Variants in IGF1R observed in about 807,000 individuals in gnomAD.
The protein encoded by IGF1R is insulin-like growth factor 1 receptor.
A neutral mutation model predicts 144.6 loss-of-function variants in IGF1R; 44 were observed. The ratio of observed to expected loss-of-function variants is 0.30; its 90% CI spans 0.24 to 0.39. The LOEUF (loss-of-function observed/expected upper bound fraction) is 0.39, where lower values mean the gene tolerates loss of function less well. Among genes scored for constraint, IGF1R ranks in the 10% least tolerant of loss-of-function variants. IGF1R has a pLI of 1.00. For synonymous variants in IGF1R, 795 were observed against 722.8 expected (o/e 1.10, Z -1.60); for missense variants, 1,355 against 1,833.7 (o/e 0.74, Z 4.77).
At chr15:98,784,403 G>T (rs1031864155) in intron 2 of IGF1R, 2 of 153,840 alleles carry the variant, frequency 1.3e-5, no homozygotes, top group Admixed American at 1.3e-4. Context: ...CTGCTAGAAA[G>T]AATTTCTGCT....
intron 19 of IGF1R, among the ~76,000 whole-genome samples, chr15:98,944,806 C>G (rs2016490713): frequency 6.6e-6 from 1 of 152,364 alleles, no homozygotes; most frequent in East Asian, 1.9e-4. Flanking sequence ...TGTTCACTGC[C>G]TCACAAAGGC....
chr15:98,906,807 C>T (rs1420195417), intron 5 of IGF1R, among the ~76,000 whole-genome samples: 1 of 152,216 alleles, frequency 6.6e-6, no homozygotes, highest in Admixed American at 6.5e-5. Context: ...CTAATGTGTC[C>T]AGAGGCCTGA....
chr15:98,868,402 G>A (rs1416489181), intron 2 of IGF1R, among the ~76,000 whole-genome samples: 1 of 138,238 alleles, frequency 7.2e-6, no homozygotes, highest in African/African-American at 2.6e-5. Flanking sequence ...GGCCCTGACA[G>A]ATCTTTAAGG....
intron 1 of IGF1R, among the ~76,000 whole-genome samples, chr15:98,700,065 A>G (rs532243427): frequency 1.3e-5 from 2 of 152,212 alleles, no homozygotes; most frequent in African/African-American, 4.8e-5. Flanking sequence ...AGAAAATTCT[A>G]CTGTAATAAA....
intron 2 of IGF1R, among the ~76,000 whole-genome samples, chr15:98,783,810 T>G (rs183056591): frequency 6.6e-6 from 1 of 152,306 alleles, no homozygotes; most frequent in Non-Finnish European, 1.5e-5. Flanking sequence ...AGAATACCGA[T>G]GCTGTTGCTA....
intron 10 of IGF1R, among the ~76,000 whole-genome samples, chr15:98,919,122 A>C (rs536478237): frequency 6.6e-6 from 1 of 152,206 alleles, no homozygotes; most frequent in Admixed American, 6.5e-5. Flanking sequence ...CTGGAACTCA[A>C]TGAGGTTTGG....
At position 98,905,681 on chromosome 15, in the gene IGF1R, A is replaced by AC. The variant is rs2014699004; in HGVS notation, c.1248-3004_1248-3003insC. On this transcript the variant is annotated intron_variant, in intron 5 of 20. Coordinates refer to ENST00000650285, the MANE Select transcript of IGF1R (RefSeq NM_000875.5). ...CCTGTCTCAAGGGGAAAAAAAAAAA[A>AC]AAACCTAATTTTTAAAAGCATTCTT... 2.6e-5 allele frequency among the ~76,000 whole-genome samples: 4 copies of AC among 152,246 alleles called. No homozygotes were observed. The East Asian group carries it at 7.7e-4, about 29-fold the overall frequency.
rs1255529573 is a variant in IGF1R at position 98,648,609 on chromosome 15, C to CG, written c.-971dup. On this transcript the variant is annotated 5_prime_UTR_variant, in exon 1 of 21. Coordinates refer to ENST00000650285, the MANE Select transcript of IGF1R (RefSeq NM_000875.5). Reference sequence around the variant, plus strand: ...GTTTACCAGCATTAACTCCGCTGAGCGGAAAAAAAAAGGGAAAAAACCCGA... The same window carrying CG: ...GTTTACCAGCATTAACTCCGCTGAGCGGGAAAAAAAAAGGGAAAAAACCCGA... Among the ~76,000 whole-genome samples the CG allele has an allele frequency of 7.0e-6, 1 of 142,416 alleles. No individual in the cohort carries two copies. The highest frequency in any genetic ancestry group is 1.5e-5 in the Non-Finnish European group (1 of 64,748). The allele number at this position is 142,416 out of a possible 152,430, so 93.4% of individuals were successfully genotyped here.
intron 18 of IGF1R, among the ~76,000 whole-genome samples, chr15:98,940,832 C>A (rs1338102834): frequency 6.6e-6 from 1 of 152,198 alleles, no homozygotes; most frequent in African/African-American, 2.4e-5. Context: ...CAGGATCCAC[C>A]AGTGTGTCCC....
intron 13 of IGF1R, among the ~76,000 whole-genome samples, chr15:98,928,303 T>G (rs1464306074): frequency 6.6e-6 from 1 of 152,172 alleles, no homozygotes; most frequent in Non-Finnish European, 1.5e-5. Flanking sequence ...GTGACTTCTT[T>G]GTAGGTCTGA....
chr15:98,911,908 C>T (rs1429979026), intron 7 of IGF1R, among the ~76,000 whole-genome samples: 1 of 152,148 alleles, frequency 6.6e-6, no homozygotes, highest in African/African-American at 2.4e-5. Flanking sequence ...CAAGCTGTGG[C>T]CCTCTGCTCT....
chr15:98,672,402 G>GA (rs1355771018), intron 1 of IGF1R, among the ~76,000 whole-genome samples: 1 of 151,836 alleles, frequency 6.6e-6, no homozygotes, highest in Non-Finnish European at 1.5e-5. Flanking sequence ...CCGTCTCTAC[G>GA]AAAAATACAA....
chr15:98,688,004 T>G (rs2053372584), intron 1 of IGF1R, among the ~76,000 whole-genome samples: 1 of 152,170 alleles, frequency 6.6e-6, no homozygotes, highest in African/African-American at 2.4e-5. Context: ...GCTCCTGAAC[T>G]GCAGCGGTGT....
rs193223610 is a variant in IGF1R, at chr15:98,960,110, T to C, written c.*2668T>C. Reference sequence around the variant, plus strand: ...GTGTATATAGACAAAAGAATACATCTCACCTTTCTCAGCACCTGACAATAG... The same window carrying C: ...GTGTATATAGACAAAAGAATACATCCCACCTTTCTCAGCACCTGACAATAG... On this transcript the variant is annotated 3_prime_UTR_variant, in exon 21 of 21. Coordinates refer to ENST00000650285, the MANE Select transcript of IGF1R (RefSeq NM_000875.5). 6 of 233,664 alleles carry C rather than the reference T, an allele frequency of 2.6e-5. No homozygotes were observed. Among genetic ancestry groups the C allele is most frequent in the East Asian group, 6.0e-5 (1 of 16,576 alleles). The allele number at this position is 233,664 out of a possible 1,614,324, so 14.5% of individuals were successfully genotyped here.
rs752960768 is a variant in IGF1R, at chr15:98,707,437, C to A, written c.95-125C>A. On this transcript the variant is annotated intron_variant, in intron 1 of 20. Transcript: ENST00000650285. This position sits in a 1 kb window ranked among gnomAD's most constrained non-coding sequence, Gnocchi z 6.7. ...CTGCAACCCACAGCTCTGCAGTGAA[C>A]AATTGAACCTCATTTCTTTAATAAT... 3.9e-6 allele frequency: 4 copies of A among 1,016,680 alleles called. No individual in the cohort carries two copies. Among genetic ancestry groups the A allele is most frequent in the Non-Finnish European group, 6.0e-6 (4 of 668,212 alleles). 63.0% of individuals were successfully genotyped at this position (1,016,680 alleles called of 1,614,324 possible).
intron 2 of IGF1R, among the ~76,000 whole-genome samples, chr15:98,716,312 C>T (rs1004008471): frequency 2.6e-5 from 4 of 152,044 alleles, no homozygotes; most frequent in African/African-American, 9.7e-5. Flanking sequence ...TGCTTGGTCT[C>T]TCTCTCTGTC....
At chr15:98,814,668 C>T (rs1299983708) in intron 2 of IGF1R, among the ~76,000 whole-genome samples, 1 of 152,110 alleles carries the variant, frequency 6.6e-6, no homozygotes, top group African/African-American at 2.4e-5. Context: ...GTTTTAAAAA[C>T]AAAAATGTAT....
intron 2 of IGF1R, among the ~76,000 whole-genome samples, chr15:98,825,290 A>T (rs1195451226): frequency 6.6e-6 from 1 of 152,226 alleles, no homozygotes; most frequent in Non-Finnish European, 1.5e-5. Flanking sequence ...GGACCACCCC[A>T]ACAGATACCA....
In IGF1R at chr15:98,747,874, C is replaced by T. The variant is rs552206901; in HGVS notation, c.640+39767C>T. 5.9e-5 allele frequency among the ~76,000 whole-genome samples: 9 copies of T among 151,874 alleles called. No homozygotes were observed. The South Asian group carries it at 8.3e-4, about 14-fold the overall frequency. The stretch of plus-strand genomic sequence containing the variant: ...AATGACTGTTAAAAATACTTACTGA[C>T]GCTTAAAAATATCACCTATAGCATT... On this transcript the variant is annotated intron_variant, in intron 2 of 20. Transcript: ENST00000650285.
Sources: allele counts gnomAD v4.1 joint callset (sites outside exome capture counted in the v4.1 genomes callset), GRCh38; gene constraint gnomAD v4.1.1; non-coding constraint Gnocchi (gnomAD v3.1); transcripts MANE v1.5; gene names NCBI Gene and HGNC (gene_info 2026-07-23, HGNC 2026-07-21).